The following PLCL1 variants were observed in gnomAD, a reference collection of about 807,000 sequenced individuals.
The protein encoded by PLCL1 is inactive phospholipase C-like protein 1.
Under a neutral mutation model 84.4 loss-of-function variants are expected in PLCL1, and 41 were observed. The ratio of observed to expected loss-of-function variants is 0.49; its 90% CI spans 0.38 to 0.63. PLCL1 has a LOEUF of 0.63. PLCL1 is among the 30% of genes least tolerant of loss of function. PLCL1 has a pLI of 0.00. For synonymous variants in PLCL1, 490 were observed against 488.3 expected (o/e 1.00, Z -0.05); for missense variants, 1,206 against 1,367.8 (o/e 0.88, Z 1.87).
chr2:197,862,545 G>A (rs1687450179), intron 1 of PLCL1, among the ~76,000 whole-genome samples: 1 of 152,066 alleles, frequency 6.6e-6, no homozygotes, highest in Admixed American at 6.6e-5. Context: ...TGGATGTAGG[G>A]GCCTGAGGAG....
At chr2:197,903,665 T>G (rs1688317283) in intron 1 of PLCL1, among the ~76,000 whole-genome samples, 1 of 137,960 alleles carries the variant, frequency 7.2e-6, no homozygotes, top group African/African-American at 2.8e-5. Context: ...TTTTTTTTTT[T>G]TTTTTTTTTT....
chr2:197,994,513 T>C (rs1360252652), intron 1 of PLCL1, among the ~76,000 whole-genome samples: 1 of 152,222 alleles, frequency 6.6e-6, no homozygotes, highest in African/African-American at 2.4e-5. Flanking sequence ...TATTTGGGGA[T>C]ATAAGATATG....
At chr2:197,817,398 A>G (rs1236491739) in intron 1 of PLCL1, among the ~76,000 whole-genome samples, 1 of 151,988 alleles carries the variant, frequency 6.6e-6, no homozygotes, top group African/African-American at 2.4e-5. Flanking sequence ...GTGTATACTT[A>G]CGCCAGGCAT....
At chr2:198,028,389 A>T (rs1306213598) in intron 1 of PLCL1, among the ~76,000 whole-genome samples, 1 of 152,060 alleles carries the variant, frequency 6.6e-6, no homozygotes, top group Non-Finnish European at 1.5e-5. Flanking sequence ...CCCCCTTGCT[A>T]CGGATGTGGG....
intron 1 of PLCL1, among the ~76,000 whole-genome samples, chr2:197,937,149 C>T (rs1035638952): frequency 1.3e-5 from 2 of 152,146 alleles, no homozygotes; most frequent in Non-Finnish European, 2.9e-5. Context: ...ATGTATGCTA[C>T]TTTATGCCAG....
chr2:198,033,339 G>T (rs1691470296), intron 1 of PLCL1, among the ~76,000 whole-genome samples: 1 of 152,062 alleles, frequency 6.6e-6, no homozygotes, highest in Non-Finnish European at 1.5e-5. Flanking sequence ...CTTATTGCAG[G>T]GAGAGCCACA....
chr2:198,145,603 A>C (rs1183597085), intron 5 of PLCL1, among the ~76,000 whole-genome samples: 1 of 152,230 alleles, frequency 6.6e-6, no homozygotes, highest in African/African-American at 2.4e-5. Flanking sequence ...TAACACAAAC[A>C]TCAGGCAAAG....
At chr2:198,010,611 G>GT (rs895884078) in intron 1 of PLCL1, among the ~76,000 whole-genome samples, 23 of 151,588 alleles carry the variant, frequency 1.5e-4, no homozygotes, top group African/African-American at 3.4e-4. Flanking sequence ...TTGGTCTACA[G>GT]TTTTTTTTGT....
At chr2:198,004,495 C>A (rs147485479) in intron 1 of PLCL1, among the ~76,000 whole-genome samples, 192 of 152,216 alleles carry the variant, frequency 1.3e-3, no homozygotes, top group African/African-American at 4.2e-3. Flanking sequence ...GAGGCTCTGG[C>A]TAACTTATCT....
chr2:198,100,078 T>C (rs569800583), intron 3 of PLCL1, among the ~76,000 whole-genome samples: 75 of 152,052 alleles, frequency 4.9e-4, no homozygotes, highest in Admixed American at 7.2e-4. Flanking sequence ...TGAGAAGTGG[T>C]CAGTAATAAA....
chr2:198,080,603 T>C (rs147973729), intron 1 of PLCL1, among the ~76,000 whole-genome samples: 276 of 152,332 alleles, frequency 1.8e-3, no homozygotes, highest in African/African-American at 6.4e-3. Context: ...AATCCAGACA[T>C]TGTCCTTTCC....
chr2:197,806,512 G>A (rs916073311), intron 1 of PLCL1, among the ~76,000 whole-genome samples: 1 of 152,220 alleles, frequency 6.6e-6, no homozygotes, highest in Non-Finnish European at 1.5e-5. Flanking sequence ...ACACATGGAA[G>A]TTTAAAATCA....
At chr2:198,038,844 C>CAAA (rs11299150) in intron 1 of PLCL1, among the ~76,000 whole-genome samples, 13 of 120,376 alleles carry the variant, frequency 1.1e-4, no homozygotes, top group Non-Finnish European at 1.5e-4. Context: ...CATTAAAGGT[C>CAAA]AAAAAAAAAA....
At chr2:197,906,887 T>C (rs1688393586) in intron 1 of PLCL1, among the ~76,000 whole-genome samples, 1 of 152,226 alleles carries the variant, frequency 6.6e-6, no homozygotes, top group South Asian at 2.1e-4. Flanking sequence ...TGTATAGGAA[T>C]GCTTGTGATT....
Position 197,961,519 on chromosome 2 carries a change from CTAT to C in PLCL1, c.241-122235_241-122233del, listed in dbSNP as rs1419899892. On this transcript the variant is annotated intron_variant, in intron 1 of 5. Transcript: ENST00000428675. The stretch of plus-strand genomic sequence containing the variant: ...TTTCCTTGAAATCATAGAAAGAGAA[CTAT>C]TATACTTAATACTAGTTTTGTGCTT... Among the ~76,000 whole-genome samples the C allele has an allele frequency of 9.9e-5, 15 of 151,890 alleles. 1 individual carries two copies. The highest frequency in any genetic ancestry group is 1.6e-4 in the Non-Finnish European group (11 of 67,928).
At chr2:198,074,104 T>C (rs779630872) in intron 1 of PLCL1, among the ~76,000 whole-genome samples, 22 of 152,194 alleles carry the variant, frequency 1.4e-4, no homozygotes, top group Non-Finnish European at 2.2e-4. Context: ...AGTCGTTATA[T>C]ATTTTATGTC....
intron 1 of PLCL1, among the ~76,000 whole-genome samples, chr2:198,047,981 A>G (rs1691846559): frequency 6.6e-6 from 1 of 152,194 alleles, no homozygotes; most frequent in Non-Finnish European, 1.5e-5. Context: ...TTTGTTACAC[A>G]TTGCCAACCA....
At chr2:197,875,870 C>T (rs1687723452) in intron 1 of PLCL1, among the ~76,000 whole-genome samples, 1 of 152,118 alleles carries the variant, frequency 6.6e-6, no homozygotes, top group South Asian at 2.1e-4. Flanking sequence ...GCTGGTATTG[C>T]AGTCCCTATT....
chr2:197,977,179 G>A (rs1055249150), intron 1 of PLCL1, among the ~76,000 whole-genome samples: 2 of 152,148 alleles, frequency 1.3e-5, no homozygotes, highest in African/African-American at 4.8e-5. Flanking sequence ...AGGAAAATCT[G>A]CTATAACGTT....
Sources: gnomAD v4.1 joint callset for allele counts (sites outside exome capture counted in the v4.1 genomes callset) on GRCh38, gnomAD v4.1.1 for gene constraint, MANE v1.5 for transcripts, NCBI Gene and HGNC (gene_info 2026-07-23, HGNC 2026-07-21) for gene names.